The following MAGED1 variants were observed in gnomAD, a reference collection of about 807,000 sequenced individuals.
The protein encoded by MAGED1 is MAGE family member D1.
Under a neutral mutation model 54.1 loss-of-function variants are expected in MAGED1, and 3 were observed. The ratio of observed to expected loss-of-function variants is 0.06; its 90% confidence interval spans 0.03 to 0.14. The LOEUF is 0.14. Ranked by LOEUF, MAGED1 falls within the 10% of genes least tolerant of loss-of-function variation. The probability of loss-of-function intolerance (pLI) is 1.00; values close to 1 mark genes in which losing one functional copy is unlikely to be tolerated. For missense variants in MAGED1, 485 were observed against 623.4 expected, an observed-to-expected ratio of 0.78 and a Z score of 2.36; for synonymous variants, 217 against 227.3, an observed-to-expected ratio of 0.95 and a Z score of 0.41.
At chrX:51,886,668 A>G (rs1169887280) in intron 1 of MAGED1, among the ~76,000 whole-genome samples, 1 of 110,628 alleles carries the variant, frequency 9.0e-6, no homozygotes, top group Non-Finnish European at 1.9e-5. Flanking sequence ...TCCTAGAACT[A>G]ATAAGTGAGT....
intron 1 of MAGED1, among the ~76,000 whole-genome samples, chrX:51,844,851 C>T (rs1489769985): frequency 9.0e-6 from 1 of 111,517 alleles, no homozygotes; most frequent in Non-Finnish European, 1.9e-5. Context: ...ACACTACCAG[C>T]TTGGACTGAA....
intron 1 of MAGED1, among the ~76,000 whole-genome samples, chrX:51,860,427 C>A (rs1458231149): frequency 1.8e-5 from 2 of 111,313 alleles, no homozygotes; most frequent in Non-Finnish European, 1.9e-5. Flanking sequence ...GGAACTTGGT[C>A]ACTGACTAGA....
intron 1 of MAGED1, among the ~76,000 whole-genome samples, chrX:51,874,962 T>G (rs1927815703): frequency 9.0e-6 from 1 of 111,315 alleles, no homozygotes; most frequent in African/African-American, 3.3e-5. Flanking sequence ...TGCACTTCTT[T>G]GGAAACAGTT....
intron 1 of MAGED1, among the ~76,000 whole-genome samples, chrX:51,805,704 C>A (rs1924999722): frequency 9.2e-6 from 1 of 108,570 alleles, no homozygotes; most frequent in South Asian, 4.0e-4. Context: ...CTTTTATATT[C>A]TGGACCTAGA....
chrX:51,863,826 T>C (rs1290819337), intron 1 of MAGED1, among the ~76,000 whole-genome samples: 2 of 111,613 alleles, frequency 1.8e-5, no homozygotes, highest in African/African-American at 6.5e-5. Context: ...AATTGGGTTA[T>C]TTGTGTGTGT....
At chrX:51,826,774 C>A (rs1925864841) in intron 1 of MAGED1, among the ~76,000 whole-genome samples, 1 of 112,182 alleles carries the variant, frequency 8.9e-6, no homozygotes. Context: ...TCATTCTTTC[C>A]TGGTGGGAAT....
Position 51,895,774 on chromosome X carries a change from T to C in MAGED1, c.753+14T>C. 8.8e-7 allele frequency: 1 copy of C among 1,130,068 alleles called. No individual in the cohort carries two copies. The highest frequency in any genetic ancestry group is 1.2e-6 in the Non-Finnish European group (1 of 844,766). 93.1% of individuals were successfully genotyped at this position (1,130,068 alleles called of 1,213,427 possible). A position where few individuals can be genotyped will look rare whatever the true frequency, so the allele number is the denominator to read the frequency against. ...AGGACCCGCAAGGTGAGATCTCTGCTAACTTCATTTTGCTTTGGGGCTGTC... is the reference window on the plus strand; with the variant it reads ...AGGACCCGCAAGGTGAGATCTCTGCCAACTTCATTTTGCTTTGGGGCTGTC... On this transcript the variant is annotated intron_variant, in intron 3 of 12. Transcript: ENST00000326587.
At chrX:51,840,884 G>T (rs1473976568) in intron 1 of MAGED1, among the ~76,000 whole-genome samples, 4 of 110,529 alleles carry the variant, frequency 3.6e-5, no homozygotes, top group African/African-American at 1.3e-4. Context: ...GAATAGTGCT[G>T]CAATAAACAT....
In MAGED1 at chrX:51,836,430, G is replaced by A. The variant is rs185253879; in HGVS notation, c.-37+33313G>A. 1.4e-3 allele frequency among the ~76,000 whole-genome samples: 158 copies of A among 111,025 alleles called. 1 individual carries two copies. The highest frequency in any genetic ancestry group is 3.7e-3 in the Admixed American group (39 of 10,440). On this transcript the variant is annotated intron_variant, in intron 1 of 12. Transcript: ENST00000375772. ...GGAACCAGGGTGGTGCTCAGTCTAC[G>A]GAAAATTATTCCTTGCTGGCTGTTG...
chrX:51,823,739 T>G (rs1359400716), intron 1 of MAGED1, among the ~76,000 whole-genome samples: 1 of 111,946 alleles, frequency 8.9e-6, no homozygotes, highest in African/African-American at 3.2e-5. Context: ...GTCTTAAATA[T>G]TTTCCACTGT....
chrX:51,834,921 T>TAGACA (rs1926191041), intron 1 of MAGED1, among the ~76,000 whole-genome samples: 1 of 112,412 alleles, frequency 8.9e-6, no homozygotes, highest in Non-Finnish European at 1.9e-5. Flanking sequence ...TTGATCTATT[T>TAGACA]ATTTTTTGTT....
At chrX:51,814,000 C>A (rs1925316343) in intron 1 of MAGED1, among the ~76,000 whole-genome samples, 1 of 111,155 alleles carries the variant, frequency 9.0e-6, no homozygotes. Flanking sequence ...ATTTGTGTGT[C>A]TTAACGTAAA....
At chrX:51,828,487 T>G (rs1557357125) in intron 1 of MAGED1, among the ~76,000 whole-genome samples, 1 of 111,229 alleles carries the variant, frequency 9.0e-6, no homozygotes, top group Non-Finnish European at 1.9e-5. Flanking sequence ...GGAGAACTTC[T>G]TTTGACATTT....
intron 1 of MAGED1, among the ~76,000 whole-genome samples, chrX:51,861,386 GAA>G (rs1264944698): frequency 9.0e-6 from 1 of 111,466 alleles, no homozygotes; most frequent in Non-Finnish European, 1.9e-5. Context: ...AGCCAACTTT[GAA>G]ATCTACTTCT....
intron 1 of MAGED1, among the ~76,000 whole-genome samples, chrX:51,833,573 ACATTT>A (rs1926144877): frequency 8.9e-6 from 1 of 112,005 alleles, no homozygotes; most frequent in Non-Finnish European, 1.9e-5. Context: ...TTGTTTTATT[ACATTT>A]CATTTATTAG....
chrX:51,873,755 G>A lies in MAGED1; in HGVS notation c.-36-20514G>A, dbSNP rs192367427. Among the ~76,000 whole-genome samples, 376 of 110,883 alleles carry A rather than the reference G, an allele frequency of 3.4e-3. 1 individual carries two copies. The highest frequency in any genetic ancestry group is 5.3e-3 in the Non-Finnish European group (282 of 52,910). On this transcript the variant is annotated intron_variant, in intron 1 of 12. Transcript: ENST00000375772. ...ATATTTTTTTGTTCCTTGGTCCTTG[G>A]TATATAGCTCTCATCTTCCAGGTAC...
At chrX:51,856,928 T>G (rs1204279885) in intron 1 of MAGED1, 1 of 111,537 alleles carries the variant, frequency 9.0e-6, no homozygotes. Context: ...AGCACAGAGA[T>G]ATGATTCACA....
At chrX:51,856,540 T>C (rs1557360217) in intron 1 of MAGED1, among the ~76,000 whole-genome samples, 2 of 112,473 alleles carry the variant, frequency 1.8e-5, no homozygotes, top group African/African-American at 6.5e-5. Context: ...TTTTGTGAAC[T>C]GTTACTCATG....
chrX:51,841,287 T>C (rs1211720628), intron 1 of MAGED1, among the ~76,000 whole-genome samples: 4 of 110,782 alleles, frequency 3.6e-5, no homozygotes, highest in Non-Finnish European at 5.7e-5. Context: ...GGGTTGTTTG[T>C]TTTTTTCTTG....
Sources: allele counts gnomAD v4.1 joint callset (sites outside exome capture counted in the v4.1 genomes callset), GRCh38; gene constraint gnomAD v4.1.1; transcripts MANE v1.5; gene names NCBI Gene and HGNC (gene_info 2026-07-23, HGNC 2026-07-21).